Variants in CAMK1D observed in about 807,000 individuals in gnomAD.
CAMK1D encodes calcium/calmodulin-dependent protein kinase type 1D.
Under a neutral mutation model 47.7 loss-of-function variants are expected in CAMK1D, and 9 were observed. That is an observed-to-expected ratio of 0.19 (90% CI 0.11 to 0.33). CAMK1D has a LOEUF of 0.33. Ranked by LOEUF, CAMK1D falls within the 10% of genes least tolerant of loss-of-function variation. CAMK1D has a pLI of 1.00. For missense variants in CAMK1D, 291 were observed against 488.7 expected (o/e 0.60, Z 3.81); for synonymous variants, 184 against 184.9 (o/e 0.99, Z 0.04).
At chr10:12,462,136 G>C (rs1182764677) in intron 1 of CAMK1D, among the ~76,000 whole-genome samples, 1 of 136,870 alleles carries the variant, frequency 7.3e-6, no homozygotes, top group Non-Finnish European at 1.6e-5. Context: ...TGGATAATTT[G>C]AATTTCTGGC....
At chr10:12,815,344 A>G (rs1174056558) in intron 7 of CAMK1D, among the ~76,000 whole-genome samples, 3 of 152,254 alleles carry the variant, frequency 2.0e-5, no homozygotes, top group African/African-American at 7.2e-5. Flanking sequence ...AAATGAGATC[A>G]TGAATGGGAC....
chr10:12,732,512 G>T (rs951740793), intron 3 of CAMK1D, among the ~76,000 whole-genome samples: 6 of 152,074 alleles, frequency 3.9e-5, no homozygotes, highest in Admixed American at 3.3e-4. Flanking sequence ...CAGAATCGTG[G>T]CGGGAGGCGA....
At chr10:12,373,565 G>C (rs910843155) in intron 1 of CAMK1D, among the ~76,000 whole-genome samples, 12 of 152,060 alleles carry the variant, frequency 7.9e-5, no homozygotes, top group Admixed American at 5.2e-4. Context: ...CTGGGAGGTG[G>C]AGGTTGCAGT....
At chr10:12,718,676 AAAAACAGGTT>A (rs2130777484) in intron 3 of CAMK1D, among the ~76,000 whole-genome samples, 1 of 152,364 alleles carries the variant, frequency 6.6e-6, no homozygotes, top group Non-Finnish European at 1.5e-5. Flanking sequence ...TTAATGATTT[AAAAACAGGTT>A]ATGATACAAG....
chr10:12,682,609 A>T (rs1832487711), intron 3 of CAMK1D, among the ~76,000 whole-genome samples: 1 of 152,228 alleles, frequency 6.6e-6, no homozygotes, highest in Admixed American at 6.5e-5. Context: ...TAAAAATATT[A>T]TGATCAGTAG....
chr10:12,769,357 C>A (rs1564548102), intron 4 of CAMK1D, among the ~76,000 whole-genome samples: 1 of 152,200 alleles, frequency 6.6e-6, no homozygotes, highest in Non-Finnish European at 1.5e-5. Flanking sequence ...CTTCCCTAAC[C>A]CCAGACGTAA....
rs540302232 is a variant in CAMK1D, at chr10:12,505,055, AT to A, written c.93-48166del. ...AGCAGGGCAGTCAGGTACCATCATC[AT>A]TTTGTTTTAGTTCTTGGCATTTTCC... On this transcript the variant is annotated intron_variant, in intron 1 of 10. Coordinates refer to ENST00000619168, the MANE Select transcript of CAMK1D (RefSeq NM_153498.4). Among the ~76,000 whole-genome samples, 664 of 152,226 alleles carry A rather than the reference AT, an allele frequency of 4.4e-3. 5 individuals are homozygous for A. The highest frequency in any genetic ancestry group is 0.015 in the African/African-American group (613 of 41,526).
At chr10:12,602,222 T>C (rs1397064581) in intron 2 of CAMK1D, among the ~76,000 whole-genome samples, 1 of 152,210 alleles carries the variant, frequency 6.6e-6, no homozygotes, top group African/African-American at 2.4e-5. Context: ...CACAATCTTT[T>C]ATTTTATCTG....
At position 12,450,415 on chromosome 10, in the gene CAMK1D, C is replaced by T. The variant is rs969587049; in HGVS notation, c.92+100505C>T. Among the ~76,000 whole-genome samples the T allele has an allele frequency of 2.4e-4, 36 of 151,740 alleles. 1 individual carries two copies. The highest frequency in any genetic ancestry group is 4.4e-4 in the Non-Finnish European group (30 of 67,996). On this transcript the variant is annotated intron_variant, in intron 1 of 10. Transcript: ENST00000619168. Reference sequence around the variant, plus strand: ...TATGTTTAATACCATTAGGAAGAGCCGTTGTGATTTTGTTAATTTCTTGTT... The same window carrying T: ...TATGTTTAATACCATTAGGAAGAGCTGTTGTGATTTTGTTAATTTCTTGTT...
chr10:12,683,544 C>G (rs1324710917), intron 3 of CAMK1D, among the ~76,000 whole-genome samples: 1 of 152,062 alleles, frequency 6.6e-6, no homozygotes, highest in Non-Finnish European at 1.5e-5. Flanking sequence ...CCCTTCCTGT[C>G]TTTTTTCACT....
At chr10:12,355,864 A>G (rs1837496862) in intron 1 of CAMK1D, among the ~76,000 whole-genome samples, 1 of 152,170 alleles carries the variant, frequency 6.6e-6, no homozygotes, top group Non-Finnish European at 1.5e-5. Context: ...ACAAGGGGCA[A>G]AGAAGGGAAA....
chr10:12,677,440 G>A (rs534666436), intron 3 of CAMK1D, among the ~76,000 whole-genome samples: 1 of 152,230 alleles, frequency 6.6e-6, no homozygotes, highest in Admixed American at 6.5e-5. Flanking sequence ...GTGGGAAGGG[G>A]CTTGGGGGAT....
At chr10:12,600,090 G>A (rs1389749086) in intron 2 of CAMK1D, among the ~76,000 whole-genome samples, 1 of 152,212 alleles carries the variant, frequency 6.6e-6, no homozygotes, top group East Asian at 1.9e-4. Flanking sequence ...TGGCAGCAGA[G>A]TGGGACCTTG....
At chr10:12,769,623 A>G in intron 4 of CAMK1D, 50 bp from the exon 5 acceptor site, 1 of 1,601,402 alleles carries the variant, frequency 6.2e-7, no homozygotes. Flanking sequence ...TCCACAATTA[A>G]CCCAGCTTTA....
chr10:12,509,575 CA>C (rs1476404894), intron 1 of CAMK1D, among the ~76,000 whole-genome samples: 1 of 152,138 alleles, frequency 6.6e-6, no homozygotes, highest in African/African-American at 2.4e-5. Flanking sequence ...GCTGAAACCC[CA>C]TTTCTACAAA....
intron 2 of CAMK1D, among the ~76,000 whole-genome samples, chr10:12,594,629 C>T (rs1398754697): frequency 3.3e-5 from 5 of 152,278 alleles, no homozygotes; most frequent in Non-Finnish European, 5.9e-5. Flanking sequence ...TGAACTCAAG[C>T]GTTTCTGTCA....
chr10:12,499,401 A>T (rs940048002), intron 1 of CAMK1D, among the ~76,000 whole-genome samples: 40 of 151,946 alleles, frequency 2.6e-4, no homozygotes, highest in African/African-American at 9.2e-4. Flanking sequence ...ATATTTCATG[A>T]TTTTCTTACC....
At chr10:12,730,781 C>A (rs1056901578) in intron 3 of CAMK1D, among the ~76,000 whole-genome samples, 5 of 152,164 alleles carry the variant, frequency 3.3e-5, no homozygotes, top group African/African-American at 1.2e-4. Context: ...TCCAGCCCCA[C>A]TGGTAGCTCA....
At chr10:12,577,627 C>T (rs1019681432) in intron 2 of CAMK1D, among the ~76,000 whole-genome samples, 15 of 152,040 alleles carry the variant, frequency 9.9e-5, no homozygotes, top group Non-Finnish European at 2.2e-4. Flanking sequence ...CTTTTGTTGT[C>T]TGTATTTTGC....
Sources: allele counts gnomAD v4.1 joint callset (sites outside exome capture counted in the v4.1 genomes callset), GRCh38; gene constraint gnomAD v4.1.1; transcripts MANE v1.5; gene names NCBI Gene and HGNC (gene_info 2026-07-23, HGNC 2026-07-21).